MMS22L: variants seen among roughly 807,000 people sequenced by gnomAD.
MMS22L encodes protein MMS22-like.
In MMS22L, 74 loss-of-function variants were observed where a neutral mutation model predicts 159.1. The observed-to-expected ratio is 0.47, with a 90% CI of 0.39 to 0.56. MMS22L has a LOEUF of 0.56. Among genes scored for constraint, MMS22L ranks in the 20% least tolerant of loss-of-function variants. The pLI, the probability that MMS22L is intolerant of heterozygous loss-of-function variation, is 0.00. For missense variants in MMS22L, 1,351 were observed against 1,422.1 expected (o/e 0.95, Z 0.80); for synonymous variants, 517 against 506.9 (o/e 1.02, Z -0.27).
chr6:97,199,477 CT>C (rs1424630411), intron 14 of MMS22L, among the ~76,000 whole-genome samples: 2 of 152,216 alleles, frequency 1.3e-5, no homozygotes, highest in African/African-American at 4.8e-5. Context: ...AAATCCAATT[CT>C]ATGTGAACAG....
chr6:97,223,210 TTC>T lies in MMS22L; in HGVS notation c.2039+5682_2039+5683del, dbSNP rs1809837761. Among the ~76,000 whole-genome samples, 6 of 152,158 alleles carry T rather than the reference TTC, an allele frequency of 3.9e-5. No individual in the cohort carries two copies. The South Asian group carries it at 1.2e-3, about 32-fold the overall frequency. ...ATCATAGATCCTTCCTACCTATAAT[TTC>T]TCTGTCATACAGTTGTAAAACTATT... On this transcript the variant is annotated intron_variant, in intron 14 of 24. Coordinates refer to ENST00000683635, the MANE Select transcript of MMS22L (RefSeq NM_001350599.2).
chr6:97,240,304 C>T (rs1238149653), intron 11 of MMS22L, among the ~76,000 whole-genome samples: 1 of 152,206 alleles, frequency 6.6e-6, no homozygotes, highest in African/African-American at 2.4e-5. Context: ...ATTATAATCG[C>T]CTCTTTTCCC....
intron 11 of MMS22L, among the ~76,000 whole-genome samples, chr6:97,243,438 T>C (rs922544662): frequency 6.6e-6 from 1 of 152,166 alleles, no homozygotes; most frequent in African/African-American, 2.4e-5. Context: ...TTGTGATTGT[T>C]TTTTATTTAT....
At chr6:97,256,397 T>C (rs1043526728) in intron 9 of MMS22L, among the ~76,000 whole-genome samples, 1 of 152,202 alleles carries the variant, frequency 6.6e-6, no homozygotes, top group African/African-American at 2.4e-5. Context: ...ATACAAAACA[T>C]GTACCACTTT....
chr6:97,189,732 C>A (rs993707664), intron 14 of MMS22L, among the ~76,000 whole-genome samples: 2 of 151,736 alleles, frequency 1.3e-5, no homozygotes, highest in Non-Finnish European at 2.9e-5. Flanking sequence ...AAATGTGCAC[C>A]CACTTTGTGT....
intron 14 of MMS22L, among the ~76,000 whole-genome samples, chr6:97,205,243 A>T: frequency 6.6e-6 from 1 of 150,554 alleles, no homozygotes. Context: ...ATACTCGGCC[A>T]CGTATTTTTT....
intron 14 of MMS22L, among the ~76,000 whole-genome samples, chr6:97,223,915 A>G (rs1326777159): frequency 2.0e-5 from 3 of 152,148 alleles, no homozygotes; most frequent in Non-Finnish European, 2.9e-5. Flanking sequence ...TTGCTGCACT[A>G]TTTTTATTCA....
At chr6:97,176,066 C>T (rs1345379352) in intron 18 of MMS22L, among the ~76,000 whole-genome samples, 2 of 152,104 alleles carry the variant, frequency 1.3e-5, no homozygotes, top group Non-Finnish European at 2.9e-5. Flanking sequence ...TACATGTACT[C>T]AAGAGTCAAA....
At chr6:97,194,118 C>T (rs530806255) in intron 14 of MMS22L, among the ~76,000 whole-genome samples, 9 of 151,730 alleles carry the variant, frequency 5.9e-5, no homozygotes, top group South Asian at 2.1e-4. Flanking sequence ...AGCGCAGTGG[C>T]GCCATCTCAG....
intron 8 of MMS22L, chr6:97,266,876 G>A (rs1313792021): frequency 6.6e-6 from 1 of 152,126 alleles, no homozygotes; most frequent in Admixed American, 6.5e-5. Context: ...GTTGATCAAA[G>A]CATATAAAAT....
chr6:97,162,307 A>G (rs1802531202), intron 21 of MMS22L, 142 bp from the exon 22 acceptor site: 5 of 625,708 alleles, frequency 8.0e-6, no homozygotes, highest in African/African-American at 5.7e-5. Flanking sequence ...ATATTTTACC[A>G]TGCTATCTTC....
At chr6:97,215,600 T>C (rs971637621) in intron 14 of MMS22L, among the ~76,000 whole-genome samples, 1 of 152,106 alleles carries the variant, frequency 6.6e-6, no homozygotes. Flanking sequence ...TCAGCCCTTA[T>C]TTAGCTCAAG....
At chr6:97,156,335 T>C (rs1449209427) in intron 22 of MMS22L, among the ~76,000 whole-genome samples, 1 of 152,136 alleles carries the variant, frequency 6.6e-6, no homozygotes, top group Non-Finnish European at 1.5e-5. Context: ...AGATCCCATT[T>C]ATATATTTGG....
intron 11 of MMS22L, among the ~76,000 whole-genome samples, chr6:97,242,688 A>G (rs1339179944): frequency 6.6e-6 from 1 of 152,012 alleles, no homozygotes; most frequent in Non-Finnish European, 1.5e-5. Context: ...GCCCTGTGAG[A>G]TTTATGCTTT....
intron 14 of MMS22L, among the ~76,000 whole-genome samples, chr6:97,192,209 G>GATGGATGGATGGATGGATGA (rs1554262354): frequency 9.6e-6 from 1 of 104,374 alleles, no homozygotes; most frequent in Non-Finnish European, 2.1e-5. Flanking sequence ...TGGATGGATG[G>GATGGATGGATGGATGGATGA]ATGAATGAAT....
chr6:97,229,690 T>C (rs1381133187), intron 13 of MMS22L, among the ~76,000 whole-genome samples: 1 of 152,198 alleles, frequency 6.6e-6, no homozygotes, highest in Non-Finnish European at 1.5e-5. Context: ...TTTCCTTTTA[T>C]TCAAGTCCCC....
At chr6:97,229,906 C>A (rs555129029) in intron 13 of MMS22L, among the ~76,000 whole-genome samples, 7 of 152,112 alleles carry the variant, frequency 4.6e-5, no homozygotes, top group African/African-American at 1.7e-4. Flanking sequence ...TAGAAAAATT[C>A]TTTGTAGCCA....
intron 11 of MMS22L, among the ~76,000 whole-genome samples, chr6:97,240,346 C>G (rs1481360706): frequency 1.3e-5 from 2 of 152,182 alleles, no homozygotes; most frequent in Admixed American, 6.5e-5. Flanking sequence ...TATGCTAGAC[C>G]TAAATTCATA....
At chr6:97,189,901 A>ATT (rs1805692554) in intron 14 of MMS22L, among the ~76,000 whole-genome samples, 1 of 152,208 alleles carries the variant, frequency 6.6e-6, no homozygotes, top group Non-Finnish European at 1.5e-5. Context: ...ATAATAATTT[A>ATT]TTTAAGCATA....
Sources: allele counts gnomAD v4.1 joint callset (sites outside exome capture counted in the v4.1 genomes callset), GRCh38; gene constraint gnomAD v4.1.1; transcripts MANE v1.5; gene names NCBI Gene and HGNC (gene_info 2026-07-23, HGNC 2026-07-21).